Variants in RFX3 observed in about 807,000 individuals in gnomAD.
RFX3 encodes transcription factor RFX3.
In RFX3, 14 loss-of-function variants were observed where a neutral mutation model predicts 98.6. The observed-to-expected ratio is 0.14, with a 90% CI of 0.09 to 0.22. The LOEUF is 0.22. RFX3 is among the 10% of genes least tolerant of loss of function. The probability of loss-of-function intolerance (pLI) is 1.00; values close to 1 mark genes in which losing one functional copy is unlikely to be tolerated. For missense variants in RFX3, 639 were observed against 926.9 expected (o/e 0.69, Z 4.03); for synonymous variants, 383 against 328.4 (o/e 1.17, Z -1.80).
At chr9:3,322,264 TA>T (rs1310724611) in intron 4 of RFX3, among the ~76,000 whole-genome samples, 1 of 152,192 alleles carries the variant, frequency 6.6e-6, no homozygotes, top group Non-Finnish European at 1.5e-5. Context: ...CCTTTCCAGT[TA>T]TTCAAGTTTC....
At chr9:3,479,890 A>C (rs1357362929) in intron 1 of RFX3, among the ~76,000 whole-genome samples, 1 of 152,170 alleles carries the variant, frequency 6.6e-6, no homozygotes, top group Non-Finnish European at 1.5e-5. Flanking sequence ...CCTCAGATTC[A>C]CCCAAGTATA....
chr9:3,424,134 G>C (rs1431368850), intron 1 of RFX3, among the ~76,000 whole-genome samples: 1 of 150,288 alleles, frequency 6.7e-6, no homozygotes, highest in African/African-American at 2.4e-5. Flanking sequence ...GCGACAGAGG[G>C]AGACTCCTTC....
intron 4 of RFX3, among the ~76,000 whole-genome samples, chr9:3,312,735 G>C (rs200304839): frequency 2.0e-5 from 3 of 152,168 alleles, no homozygotes; most frequent in East Asian, 1.9e-4. Flanking sequence ...CCTGGCTCAG[G>C]GGGTCCCACG....
At chr9:3,243,061 A>T (rs1305964950) in intron 15 of RFX3, among the ~76,000 whole-genome samples, 1 of 152,002 alleles carries the variant, frequency 6.6e-6, no homozygotes, top group Non-Finnish European at 1.5e-5. Flanking sequence ...TAAAGCAGAA[A>T]GATTCTAAAC....
At chr9:3,493,698 A>AG (rs1212279203) in intron 1 of RFX3, among the ~76,000 whole-genome samples, 1 of 111,250 alleles carries the variant, frequency 9.0e-6, no homozygotes, top group Non-Finnish European at 1.7e-5. Context: ...AAAAAAAAAA[A>AG]AAATATATAT....
chr9:3,303,971 G>A (rs1415985388), intron 4 of RFX3, among the ~76,000 whole-genome samples: 4 of 151,942 alleles, frequency 2.6e-5, no homozygotes, highest in South Asian at 2.1e-4. Flanking sequence ...GGCCTGTGCC[G>A]AATTTGTGTA....
chr9:3,396,443 T>G (rs1032779802), intron 1 of RFX3, among the ~76,000 whole-genome samples: 3 of 152,192 alleles, frequency 2.0e-5, no homozygotes, highest in Admixed American at 6.5e-5. Flanking sequence ...TCTATCATTG[T>G]TGGACATTTG....
chr9:3,291,952 G>C (rs572523516), intron 6 of RFX3, among the ~76,000 whole-genome samples: 1 of 150,758 alleles, frequency 6.6e-6, no homozygotes, highest in African/African-American at 2.4e-5. Flanking sequence ...AGCTACTTGG[G>C]AGGCTAAGGC....
chr9:3,479,662 G>A (rs1849576883), intron 1 of RFX3, among the ~76,000 whole-genome samples: 2 of 152,156 alleles, frequency 1.3e-5, no homozygotes, highest in South Asian at 4.1e-4. Context: ...GGGGACAACA[G>A]AAACAAGTAA....
chr9:3,440,892 C>T (rs1319907179), intron 1 of RFX3, among the ~76,000 whole-genome samples: 2 of 152,092 alleles, frequency 1.3e-5, no homozygotes, highest in Non-Finnish European at 2.9e-5. Flanking sequence ...CAAACAAACA[C>T]ACCAATGAAA....
At position 3,225,083 on chromosome 9, in the gene RFX3, T is replaced by C. The variant is rs374087462; in HGVS notation, c.2209A>G (p.Arg737Gly). Residue 737 changes from arginine (R) to glycine (G), a missense_variant, in exon 17 of 17, where the codon AGA becomes GGA. This residue lies in a region of RFX3 where 129 missense variants were observed against 124.6 expected (regional missense o/e 1.04). Coordinates refer to ENST00000617270, the MANE Select transcript of RFX3 (RefSeq NM_001282116.2). ...EHIVTSTQTI[R>G]QCSATGNTYT... ...GTATTTCCTGTAGCGCTGCACTGTC[T>C]GATAGTCTGAGTACTTGTGACAATG... The C allele has an allele frequency of 2.5e-6, 4 of 1,613,872 alleles. No individual in the cohort carries two copies. The highest frequency in any genetic ancestry group is 2.7e-5 in the African/African-American group (2 of 74,918).
At chr9:3,320,319 G>A (rs1406829748) in intron 4 of RFX3, among the ~76,000 whole-genome samples, 1 of 152,100 alleles carries the variant, frequency 6.6e-6, no homozygotes, top group African/African-American at 2.4e-5. Flanking sequence ...TTGGGAAGCT[G>A]AGGCAGGCGG....
intron 2 of RFX3, among the ~76,000 whole-genome samples, chr9:3,380,805 C>T (rs1056944857): frequency 4.6e-5 from 7 of 152,136 alleles, no homozygotes; most frequent in African/African-American, 1.7e-4. Flanking sequence ...AGATTTAACA[C>T]AATTAGTTAA....
intron 7 of RFX3, among the ~76,000 whole-genome samples, chr9:3,278,217 T>G (rs567687374): frequency 1.1e-4 from 16 of 151,660 alleles, no homozygotes; most frequent in Admixed American, 9.9e-4. Context: ...AAAAGAAATA[T>G]CATATAAAAA....
At chr9:3,440,353 C>A (rs538326578) in intron 1 of RFX3, among the ~76,000 whole-genome samples, 2 of 152,052 alleles carry the variant, frequency 1.3e-5, no homozygotes, top group South Asian at 2.1e-4. Context: ...AGAAAGTTAG[C>A]ATCTATAAAA....
intron 7 of RFX3, among the ~76,000 whole-genome samples, chr9:3,283,188 G>A (rs1051914136): frequency 2.0e-5 from 3 of 151,612 alleles, no homozygotes; most frequent in African/African-American, 7.3e-5. Context: ...TAGAGAAATG[G>A]AAGCCCAATC....
intron 7 of RFX3, among the ~76,000 whole-genome samples, chr9:3,284,815 C>T (rs371145780): frequency 1.3e-5 from 2 of 151,668 alleles, no homozygotes; most frequent in South Asian, 4.1e-4. Flanking sequence ...ATGGCTTTAT[C>T]TTTTCAACTA....
chr9:3,229,009 T>C, intron 15 of RFX3, 120 bp from the exon 16 acceptor site: 1 of 708,458 alleles, frequency 1.4e-6, no homozygotes, highest in Non-Finnish European at 2.3e-6. Flanking sequence ...AGTGGCCATT[T>C]TGATCTCTAA....
intron 1 of RFX3, among the ~76,000 whole-genome samples, chr9:3,405,635 C>A (rs892315668): frequency 1.3e-5 from 2 of 152,110 alleles, no homozygotes; most frequent in African/African-American, 4.8e-5. Flanking sequence ...ATCCTTTTTT[C>A]TCAAAGAAGC....
Sources: gnomAD v4.1 joint callset for allele counts (sites outside exome capture counted in the v4.1 genomes callset) on GRCh38, gnomAD v4.1.1 for gene constraint, gnomAD v4.1.1 regional missense constraint, MANE v1.5 for transcripts, NCBI Gene and HGNC (gene_info 2026-07-23, HGNC 2026-07-21) for gene names.